The following CNTNAP2 variants were observed in gnomAD, a reference collection of about 807,000 sequenced individuals.
CNTNAP2 encodes contactin-associated protein-like 2.
A neutral mutation model predicts 155.2 loss-of-function variants in CNTNAP2; 98 were observed. That is an observed-to-expected ratio of 0.63 (90% CI 0.54 to 0.75). CNTNAP2 has a LOEUF of 0.75. CNTNAP2 is among the 30% of genes least tolerant of loss of function. The pLI, the probability that CNTNAP2 is intolerant of heterozygous loss-of-function variation, is 0.00. For missense variants in CNTNAP2, 1,727 were observed against 1,688.1 expected (o/e 1.02, Z -0.40); for synonymous variants, 651 against 631.2 (o/e 1.03, Z -0.47).
At chr7:147,509,966 T>C (rs1399168559) in intron 11 of CNTNAP2, among the ~76,000 whole-genome samples, 1 of 152,070 alleles carries the variant, frequency 6.6e-6, no homozygotes, top group African/African-American at 2.4e-5. Context: ...AAATCGGTGA[T>C]TCTTAAATTG....
intron 3 of CNTNAP2, among the ~76,000 whole-genome samples, chr7:146,945,208 A>C (rs1385761492): frequency 6.6e-6 from 1 of 152,166 alleles, no homozygotes; most frequent in Admixed American, 6.5e-5. Flanking sequence ...CCTTTATCTA[A>C]CATCTGTATC....
intron 10 of CNTNAP2, among the ~76,000 whole-genome samples, chr7:147,477,618 A>G (rs1242338688): frequency 6.6e-6 from 1 of 152,196 alleles, no homozygotes; most frequent in Admixed American, 6.5e-5. Context: ...TGCCTAGTAA[A>G]AAATGTTCTA....
chr7:146,188,272 C>T (rs1319467393), intron 1 of CNTNAP2, among the ~76,000 whole-genome samples: 2 of 152,156 alleles, frequency 1.3e-5, no homozygotes, highest in Non-Finnish European at 2.9e-5. Context: ...TGAAACAGTA[C>T]AGTGAGCTTT....
Position 147,405,339 on chromosome 7 carries a change from A to G in CNTNAP2, c.1670+9559A>G, listed in dbSNP as rs368160717. Among the ~76,000 whole-genome samples, 179 of 152,326 alleles carry G rather than the reference A, an allele frequency of 1.2e-3. 7 individuals carry two copies. The South Asian group carries it at 0.035, about 30-fold the overall frequency. ...TCTTAACAAGTGCTTTCTTCTTAAA[A>G]TAATTGTTTTTGTCAATTACTTGAA... On this transcript the variant is annotated intron_variant, in intron 10 of 23. Coordinates refer to ENST00000361727, the MANE Select transcript of CNTNAP2 (RefSeq NM_014141.6).
At chr7:147,722,659 T>C (rs1796582147) in intron 13 of CNTNAP2, among the ~76,000 whole-genome samples, 1 of 152,132 alleles carries the variant, frequency 6.6e-6, no homozygotes, top group Non-Finnish European at 1.5e-5. Flanking sequence ...TGCCTTTTAG[T>C]ACCTCCAGAC....
intron 14 of CNTNAP2, among the ~76,000 whole-genome samples, chr7:147,919,507 G>A (rs140924453): frequency 0.013 from 1,234 of 95,256 alleles, 154 homozygotes; most frequent in African/African-American, 0.052. Context: ...CTCCCAGGCT[G>A]GAGTGCAGTG....
At chr7:148,093,287 A>T (rs530837810) in intron 15 of CNTNAP2, among the ~76,000 whole-genome samples, 1 of 152,264 alleles carries the variant, frequency 6.6e-6, no homozygotes, top group Admixed American at 6.5e-5. Context: ...CCGGCTATAT[A>T]CTCCTTTCGG....
intron 1 of CNTNAP2, among the ~76,000 whole-genome samples, chr7:146,727,545 C>T (rs896710335): frequency 6.6e-6 from 1 of 152,142 alleles, no homozygotes; most frequent in Non-Finnish European, 1.5e-5. Flanking sequence ...TACCCACACA[C>T]ACTAAAACCA....
chr7:147,873,847 G>A (rs916706448), intron 13 of CNTNAP2, among the ~76,000 whole-genome samples: 2 of 152,116 alleles, frequency 1.3e-5, no homozygotes, highest in African/African-American at 2.4e-5. Context: ...ATTCAAGGAG[G>A]GTATAGGCAT....
At chr7:146,284,165 T>C (rs901159570) in intron 1 of CNTNAP2, among the ~76,000 whole-genome samples, 5 of 152,152 alleles carry the variant, frequency 3.3e-5, no homozygotes, top group Non-Finnish European at 5.9e-5. Flanking sequence ...ATGGAAACAA[T>C]GTGTAGAAAT....
At chr7:147,116,596 A>T (rs531471505) in intron 5 of CNTNAP2, among the ~76,000 whole-genome samples, 2 of 151,966 alleles carry the variant, frequency 1.3e-5, no homozygotes, top group South Asian at 4.2e-4. Context: ...CCTTGACAAA[A>T]CAGCTATGTT....
chr7:148,311,404 G>A (rs927475794), intron 21 of CNTNAP2, among the ~76,000 whole-genome samples: 5 of 152,130 alleles, frequency 3.3e-5, no homozygotes, highest in African/African-American at 4.8e-5. Flanking sequence ...AAGGTTGATA[G>A]CGTGGTGGAG....
At chr7:148,054,757 A>G (rs1439146947) in intron 15 of CNTNAP2, among the ~76,000 whole-genome samples, 1 of 152,154 alleles carries the variant, frequency 6.6e-6, no homozygotes, top group African/African-American at 2.4e-5. Context: ...CATGCACAGA[A>G]ACAAACAATA....
intron 21 of CNTNAP2, among the ~76,000 whole-genome samples, chr7:148,324,290 C>A (rs1414961950): frequency 6.6e-6 from 1 of 152,132 alleles, no homozygotes; most frequent in African/African-American, 2.4e-5. Context: ...GGGGCCTGGG[C>A]ACCCCCTGGA....
chr7:146,851,016 G>T (rs922756525), intron 3 of CNTNAP2, among the ~76,000 whole-genome samples: 3 of 151,856 alleles, frequency 2.0e-5, no homozygotes, highest in Admixed American at 1.3e-4. Flanking sequence ...ACAGAGTCTC[G>T]CTCTGTCACC....
intron 1 of CNTNAP2, among the ~76,000 whole-genome samples, chr7:146,684,465 C>T (rs1458274582): frequency 6.6e-6 from 1 of 151,868 alleles, no homozygotes; most frequent in Non-Finnish European, 1.5e-5. Context: ...AATTTAAAGA[C>T]TTATTTGACT....
chr7:147,238,471 T>C (rs1057343316), intron 8 of CNTNAP2, among the ~76,000 whole-genome samples: 1 of 152,128 alleles, frequency 6.6e-6, no homozygotes. Context: ...TCTTTCTAAA[T>C]AGTCATCTAA....
At chr7:147,570,052 G>A (rs1164899286) in intron 12 of CNTNAP2, among the ~76,000 whole-genome samples, 10 of 152,224 alleles carry the variant, frequency 6.6e-5, no homozygotes, top group African/African-American at 2.4e-4. Flanking sequence ...GCCTGTCCAG[G>A]AGGAGCTCTC....
intron 2 of CNTNAP2, among the ~76,000 whole-genome samples, chr7:146,794,690 A>G (rs1328274222): frequency 1.3e-5 from 2 of 152,158 alleles, no homozygotes; most frequent in Non-Finnish European, 2.9e-5. Context: ...GTGTTTTTTC[A>G]TAATGAGGTA....
Sources: gnomAD v4.1 joint callset for allele counts (sites outside exome capture counted in the v4.1 genomes callset) on GRCh38, gnomAD v4.1.1 for gene constraint, MANE v1.5 for transcripts, NCBI Gene and HGNC (gene_info 2026-07-23, HGNC 2026-07-21) for gene names.